Variants in LTBP1 observed in about 807,000 individuals in gnomAD.
LTBP1 encodes latent transforming growth factor beta binding protein 1.
Under a neutral mutation model 207.6 loss-of-function variants are expected in LTBP1, and 129 were observed. That is an observed-to-expected ratio of 0.62 (90% CI 0.54 to 0.72). The LOEUF (loss-of-function observed/expected upper bound fraction) is 0.72, where lower values mean the gene tolerates loss of function less well. Ranked by LOEUF, LTBP1 falls within the 30% of genes least tolerant of loss-of-function variation. LTBP1 has a pLI of 0.00. For missense variants in LTBP1, 2,281 were observed against 2,217.2 expected (o/e 1.03, Z -0.58); for synonymous variants, 963 against 833.7 (o/e 1.16, Z -2.67).
intron 2 of LTBP1, among the ~76,000 whole-genome samples, chr2:33,019,904 G>A (rs1032702264): frequency 1.4e-5 from 2 of 147,674 alleles, no homozygotes; most frequent in Admixed American, 6.7e-5. Context: ...GGTAGAGACA[G>A]GGTCTTACTA....
At chr2:33,172,558 G>C (rs1170512663) in intron 5 of LTBP1, among the ~76,000 whole-genome samples, 2 of 152,140 alleles carry the variant, frequency 1.3e-5, no homozygotes, top group Non-Finnish European at 2.9e-5. Flanking sequence ...AATAATGGGA[G>C]ACTTTAACAC....
intron 5 of LTBP1, among the ~76,000 whole-genome samples, chr2:33,166,978 T>C (rs1440747534): frequency 1.3e-5 from 2 of 152,222 alleles, no homozygotes; most frequent in South Asian, 4.1e-4. Context: ...AAAAATATGC[T>C]GACTGATGCC....
chr2:33,340,633 A>G (rs987194647), intron 24 of LTBP1, among the ~76,000 whole-genome samples: 6 of 152,178 alleles, frequency 3.9e-5, no homozygotes, highest in Non-Finnish European at 8.8e-5. Context: ...TCTCAGTGGC[A>G]TAAAGAGTTA....
At chr2:33,171,099 A>G (rs1415532502) in intron 5 of LTBP1, among the ~76,000 whole-genome samples, 1 of 102,982 alleles carries the variant, frequency 9.7e-6, no homozygotes, top group East Asian at 2.5e-4. Flanking sequence ...TAAAAAGCAG[A>G]GCACCTCTCC....
chr2:32,958,040 G>A lies in LTBP1; in HGVS notation c.565+9095G>A, dbSNP rs553247334. 2.6e-5 allele frequency among the ~76,000 whole-genome samples: 4 copies of A among 152,094 alleles called. No individual in the cohort carries two copies. The South Asian group carries it at 8.3e-4, about 32-fold the overall frequency. Reference sequence around the variant, plus strand: ...TTTCTCCTCTTCCTCCCCTTACTTGGTCTCAGTTTGGTTTGTCCTGAATGA... The same window carrying A: ...TTTCTCCTCTTCCTCCCCTTACTTGATCTCAGTTTGGTTTGTCCTGAATGA... On this transcript the variant is annotated intron_variant, in intron 2 of 33. Transcript: ENST00000404816.
chr2:33,252,712 T>C lies in LTBP1; in HGVS notation c.2035T>C (p.Cys679Arg). The C allele has an allele frequency of 6.2e-7, 1 of 1,613,544 alleles. No individual in the cohort carries two copies. The highest frequency in any genetic ancestry group is 8.5e-7 in the Non-Finnish European group (1 of 1,179,556). Reference protein sequence around the residue: ...PPVISEEKGPCYRLVSSGRQC... With the variant: ...PPVISEEKGPRYRLVSSGRQC... The stretch of plus-strand genomic sequence containing the variant: ...TGTGATCTCGGAAGAGAAAGGGCCC[T>C]GTTACCGACTTGTCAGTTCTGGAAG... The change falls in exon 11 of 34, where the codon TGT (cysteine) becomes CGT (arginine). Residue 679 changes from cysteine to arginine, a missense_variant. Transcript: ENST00000404816.
chr2:33,123,927 A>G (rs1288623421), intron 4 of LTBP1, among the ~76,000 whole-genome samples: 1 of 152,206 alleles, frequency 6.6e-6, no homozygotes, highest in Non-Finnish European at 1.5e-5. Context: ...AATCTTATTC[A>G]TTGAAAAAAA....
In LTBP1 at chr2:32,947,241, C is replaced by G; in HGVS notation, c.-84C>G. 9.2e-7 allele frequency: 1 copy of G among 1,081,636 alleles called. No individual in the cohort carries two copies. The highest frequency in any genetic ancestry group is 1.2e-6 in the Non-Finnish European group (1 of 858,458). 67.0% of individuals were successfully genotyped at this position (1,081,636 alleles called of 1,614,324 possible). ...GGCTCTCGGCAGCTCTCGGGGGAGC[C>G]CGAACGCGCGGGGAAAGGCGAGCCG... On this transcript the variant is annotated 5_prime_UTR_variant, in exon 1 of 34. Coordinates refer to ENST00000404816, the MANE Select transcript of LTBP1 (RefSeq NM_206943.4).
chr2:33,090,044 C>T (rs905786983), intron 3 of LTBP1, among the ~76,000 whole-genome samples: 1 of 152,212 alleles, frequency 6.6e-6, no homozygotes, highest in South Asian at 2.1e-4. Context: ...GTTTTATATA[C>T]ATTTAACCCG....
At position 33,021,197 on chromosome 2, in the gene LTBP1, T is replaced by A. The variant is rs761782550; in HGVS notation, c.854T>A (p.Ile285Lys). Reference protein sequence around the residue: ...PKPSVGLPQQIHSQVTPLSSQ... With the variant: ...PKPSVGLPQQKHSQVTPLSSQ... ...CCTTCAGTGGGACTCCCCCAGCAGA[T>A]ACATTCTCAGTGAGTGTTTCGAACT... The change falls in exon 3 of 34, where the codon ATA becomes AAA. Residue 285 changes from isoleucine to lysine, a missense_variant. Transcript: ENST00000404816. The A allele has an allele frequency of 4.4e-6, 7 of 1,592,688 alleles. No homozygotes were observed. The highest frequency in any genetic ancestry group is 6.0e-6 in the Non-Finnish European group (7 of 1,165,708).
In LTBP1 at chr2:33,275,111, G is replaced by A. The variant is rs2305503; in HGVS notation, c.2869+21G>A. 5.6e-4 allele frequency: 909 copies of A among 1,612,442 alleles called. 12 individuals are homozygous for A. The East Asian group carries it at 0.018, about 33-fold the overall frequency. Reference sequence around the variant, plus strand: ...CATAGGTAATGGCAGCATTCTTCCTGCTTACAAATTCTTAGATCTGAGTTT... The same window carrying A: ...CATAGGTAATGGCAGCATTCTTCCTACTTACAAATTCTTAGATCTGAGTTT... On this transcript the variant is annotated intron_variant, in intron 17 of 33. Transcript: ENST00000404816.
At chr2:33,131,088 T>C (rs1263578086) in intron 4 of LTBP1, among the ~76,000 whole-genome samples, 2 of 152,146 alleles carry the variant, frequency 1.3e-5, no homozygotes, top group African/African-American at 4.8e-5. Flanking sequence ...TAGACCAAAA[T>C]GACCTCCAGC....
chr2:33,150,370 T>C (rs1229068398), intron 5 of LTBP1, among the ~76,000 whole-genome samples: 1 of 152,194 alleles, frequency 6.6e-6, no homozygotes, highest in African/African-American at 2.4e-5. Context: ...TTTACATGAC[T>C]GATTTTTTCC....
chr2:33,341,022 T>A (rs191079195), intron 24 of LTBP1, among the ~76,000 whole-genome samples: 62 of 152,308 alleles, frequency 4.1e-4, no homozygotes, highest in African/African-American at 1.5e-3. Flanking sequence ...ATTTCATTAT[T>A]TGAACATAAA....
intron 3 of LTBP1, among the ~76,000 whole-genome samples, chr2:33,041,531 C>A (rs186461595): frequency 1.3e-4 from 20 of 152,242 alleles, no homozygotes; most frequent in African/African-American, 4.6e-4. Context: ...ATCCACCTGC[C>A]TCTGCATCCC....
chr2:33,182,064 A>G (rs1487657010), intron 5 of LTBP1, among the ~76,000 whole-genome samples: 5 of 152,190 alleles, frequency 3.3e-5, no homozygotes, highest in Non-Finnish European at 7.3e-5. Context: ...AAATGCTAGA[A>G]CTGGAGAATA....
At chr2:33,362,547 A>G (rs866140410) in intron 28 of LTBP1, among the ~76,000 whole-genome samples, 14 of 152,256 alleles carry the variant, frequency 9.2e-5, no homozygotes, top group Middle Eastern at 3.4e-3. Context: ...TTGTCTTCCT[A>G]TTTTAGCAGT....
Position 33,254,157 on chromosome 2 carries a change from C to T in LTBP1, c.2167+1313C>T, listed in dbSNP as rs547718526. Among the ~76,000 whole-genome samples, 12 of 152,174 alleles carry T rather than the reference C, an allele frequency of 7.9e-5. No individual in the cohort carries two copies. In the South Asian group the frequency reaches 2.5e-3, roughly 32 times the overall value. Reference sequence around the variant, plus strand: ...TCAGCCTCCCAAAGTGCTGGGATTACAGGGATGGTTCCACTCATTATTAAA... The same window carrying T: ...TCAGCCTCCCAAAGTGCTGGGATTATAGGGATGGTTCCACTCATTATTAAA... On this transcript the variant is annotated intron_variant, in intron 11 of 33. Coordinates refer to ENST00000404816, the MANE Select transcript of LTBP1 (RefSeq NM_206943.4).
intron 5 of LTBP1, among the ~76,000 whole-genome samples, chr2:33,153,914 G>A (rs182466330): frequency 1.1e-3 from 172 of 152,304 alleles, no homozygotes; most frequent in African/African-American, 3.9e-3. Context: ...GAAACTGGGG[G>A]GTGGAGGAAA....
Sources: allele counts gnomAD v4.1 joint callset (sites outside exome capture counted in the v4.1 genomes callset), GRCh38; gene constraint gnomAD v4.1.1; transcripts MANE v1.5; gene names NCBI Gene and HGNC (gene_info 2026-07-23, HGNC 2026-07-21).